The following TAB2 variants were observed in gnomAD, a reference collection of about 807,000 sequenced individuals.
TAB2 encodes TGF-beta-activated kinase 1 and MAP3K7-binding protein 2.
A neutral mutation model predicts 65.0 loss-of-function variants in TAB2; 3 were observed. That is an observed-to-expected ratio of 0.05 (90% CI 0.02 to 0.12). The LOEUF (loss-of-function observed/expected upper bound fraction) is 0.12, where lower values mean the gene tolerates loss of function less well. Ranked by LOEUF, TAB2 falls within the 10% of genes least tolerant of loss-of-function variation. The pLI is 1.00. For missense variants in TAB2, 623 were observed against 840.3 expected (o/e 0.74, Z 3.20); for synonymous variants, 298 against 285.1 (o/e 1.05, Z -0.46).
Position 149,243,256 on chromosome 6 carries a change from G to A in TAB2, c.-121+24480G>A, listed in dbSNP as rs139733449. 1.5e-3 allele frequency: 225 copies of A among 152,190 alleles called. 1 individual carries two copies. The highest frequency in any genetic ancestry group is 5.2e-3 in the African/African-American group (215 of 41,502). The allele number at this position is 152,190 out of a possible 1,614,324, so 9.4% of individuals were successfully genotyped here. On this transcript the variant is annotated intron_variant, in intron 1 of 1. Coordinates refer to the TAB2 transcript ENST00000606202. ...ATTTAAATATATAGATCTGGCTTTG[G>A]GCAGGCTCTTCAGACTGACACACTC...
chr6:149,367,330 A>C (rs552193946), intron 1 of TAB2, among the ~76,000 whole-genome samples: 1 of 152,102 alleles, frequency 6.6e-6, no homozygotes, highest in Non-Finnish European at 1.5e-5. Flanking sequence ...ATGACATAAG[A>C]GAAGGGAGTT....
intron 1 of TAB2, among the ~76,000 whole-genome samples, chr6:149,333,840 C>T (rs1779856105): frequency 6.6e-6 from 1 of 151,878 alleles, no homozygotes; most frequent in Admixed American, 6.6e-5. Context: ...GTATTGTTGA[C>T]ACCAACATAG....
chr6:149,340,042 TTTTC>T (rs1473254017), intron 1 of TAB2, among the ~76,000 whole-genome samples: 2 of 152,232 alleles, frequency 1.3e-5, no homozygotes, highest in South Asian at 2.1e-4. Context: ...AACTTTATGT[TTTTC>T]TTCTATTAAA....
At chr6:149,390,297 AAAAAC>A (rs1304114770) in intron 3 of TAB2, among the ~76,000 whole-genome samples, 1 of 152,222 alleles carries the variant, frequency 6.6e-6, no homozygotes, top group African/African-American at 2.4e-5. Context: ...ATTACAGACA[AAAAAC>A]AAAAAGATAC....
chr6:149,391,274 A>G lies in TAB2; in HGVS notation c.1604-6330A>G, dbSNP rs575285836. ...TTTTTTTTCTTTCTGGAAATTTTTA[A>G]GATCTTTCTTTGTCTTTAGTAGTCT... is the stretch of plus-strand genomic sequence containing the variant. On this transcript the variant is annotated intron_variant, in intron 3 of 6. Transcript: ENST00000637181. Among the ~76,000 whole-genome samples the G allele has an allele frequency of 8.6e-4, 130 of 152,020 alleles. 4 individuals carry two copies. The South Asian group carries it at 0.025, about 30-fold the overall frequency.
At chr6:149,262,112 C>T (rs1422872957) in intron 1 of TAB2, among the ~76,000 whole-genome samples, 1 of 152,154 alleles carries the variant, frequency 6.6e-6, no homozygotes, top group Non-Finnish European at 1.5e-5. Context: ...GTTTAGGGTG[C>T]CTGAACTTTT....
chr6:149,273,216 T>G (rs1778397074), intron 1 of TAB2, among the ~76,000 whole-genome samples: 1 of 151,944 alleles, frequency 6.6e-6, no homozygotes, highest in Non-Finnish European at 1.5e-5. Flanking sequence ...CTAAACTCAA[T>G]ATTAGAGGTA....
Position 149,410,555 on chromosome 6 carries a change from G to C in TAB2, c.*836G>C, listed in dbSNP as rs192321635. ...ATAAAAAAGCATTAATGAGATGAAA[G>C]TATGCACAGAATAACTTTCCTCTAC... On this transcript the variant is annotated 3_prime_UTR_variant, in exon 7 of 7. Transcript: ENST00000637181. The C allele has an allele frequency of 6.5e-6, 1 of 152,746 alleles. No individual in the cohort carries two copies. The highest frequency in any genetic ancestry group is 1.9e-4 in the East Asian group (1 of 5,196). 9.5% of individuals were successfully genotyped at this position (152,746 alleles called of 1,614,324 possible).
intron 1 of TAB2, among the ~76,000 whole-genome samples, chr6:149,268,890 G>A (rs1457144938): frequency 6.6e-6 from 1 of 152,158 alleles, no homozygotes; most frequent in Non-Finnish European, 1.5e-5. Flanking sequence ...GCTACAGAAT[G>A]AGTCGATCTT....
chr6:149,405,614 G>A (rs565574225), intron 6 of TAB2, among the ~76,000 whole-genome samples: 26 of 152,198 alleles, frequency 1.7e-4, no homozygotes, highest in Non-Finnish European at 3.4e-4. Context: ...GGGTGAACCT[G>A]GAGGATGTCT....
intron 1 of TAB2, among the ~76,000 whole-genome samples, chr6:149,303,839 G>T (rs1192100980): frequency 6.6e-6 from 1 of 152,220 alleles, no homozygotes; most frequent in Non-Finnish European, 1.5e-5. Flanking sequence ...GAAAGGTAAA[G>T]GTGAATCAGT....
intron 1 of TAB2, among the ~76,000 whole-genome samples, chr6:149,285,210 A>G (rs1778654774): frequency 1.3e-5 from 2 of 152,208 alleles, no homozygotes; most frequent in African/African-American, 2.4e-5. Flanking sequence ...GTGCTCTTCA[A>G]CAGGGTATGG....
chr6:149,256,382 T>C (rs1319384911), intron 1 of TAB2, among the ~76,000 whole-genome samples: 1 of 152,208 alleles, frequency 6.6e-6, no homozygotes, highest in Non-Finnish European at 1.5e-5. Context: ...AATTATAAAC[T>C]ATATTAATTT....
At chr6:149,261,461 C>T (rs1031832239) in intron 1 of TAB2, among the ~76,000 whole-genome samples, 2 of 152,076 alleles carry the variant, frequency 1.3e-5, no homozygotes, top group African/African-American at 4.8e-5. Context: ...TTTTTCATAG[C>T]GTACTTCACT....
chr6:149,380,994 G>A (rs1272226911), intron 3 of TAB2, among the ~76,000 whole-genome samples: 1 of 152,186 alleles, frequency 6.6e-6, no homozygotes, highest in Non-Finnish European at 1.5e-5. Flanking sequence ...TGTAGTCCCA[G>A]CTTCTCAGAA....
chr6:149,372,909 T>A (rs1159786581), intron 2 of TAB2, among the ~76,000 whole-genome samples: 1 of 152,208 alleles, frequency 6.6e-6, no homozygotes, highest in African/African-American at 2.4e-5. Context: ...TGGGTTTCTG[T>A]TCTTTTGACA....
chr6:149,234,404 T>G (rs541055446), intron 1 of TAB2, among the ~76,000 whole-genome samples: 1 of 152,114 alleles, frequency 6.6e-6, no homozygotes, highest in Non-Finnish European at 1.5e-5. Flanking sequence ...TGAAGGGCAC[T>G]GGGGCCAGCA....
rs534426529 is a variant in TAB2, at chr6:149,253,633, A to G, written c.-121+34857A>G. Among the ~76,000 whole-genome samples the G allele has an allele frequency of 4.0e-3, 593 of 147,600 alleles. 1 individual carries two copies. Among genetic ancestry groups the G allele is most frequent in the Non-Finnish European group, 6.9e-3 (464 of 67,068 alleles). On this transcript the variant is annotated intron_variant, in intron 1 of 1. Transcript: ENST00000606202. ...AGACTGTCTCAAAAAAAAAAAAAAA[A>G]AAAAAGAAAGCCAGGCATGATGGCT... is the stretch of plus-strand genomic sequence containing the variant.
chr6:149,230,977 A>G (rs1014821414), intron 1 of TAB2, among the ~76,000 whole-genome samples: 1 of 152,146 alleles, frequency 6.6e-6, no homozygotes, highest in Admixed American at 6.6e-5. Flanking sequence ...GAGATGTGCT[A>G]TGGGGTAGGA....
Sources: gnomAD v4.1 joint callset for allele counts (sites outside exome capture counted in the v4.1 genomes callset) on GRCh38, gnomAD v4.1.1 for gene constraint, MANE v1.5 for transcripts, NCBI Gene and HGNC (gene_info 2026-07-23, HGNC 2026-07-21) for gene names.